MEI1: variants seen among roughly 807,000 people sequenced by gnomAD.
MEI1 encodes the protein meiosis inhibitor protein 1.
MEI1 carries 103 observed loss-of-function variants against 146.2 expected under a neutral mutation model. The observed-to-expected ratio is 0.70, with a 90% CI of 0.60 to 0.83. The LOEUF is 0.83. Ranked by LOEUF, MEI1 falls within the 40% of genes least tolerant of loss-of-function variation. MEI1 has a pLI of 0.00. For missense variants in MEI1, 1,529 were observed against 1,533.0 expected (o/e 1.00, Z 0.04); for synonymous variants, 652 against 628.2 (o/e 1.04, Z -0.57).
rs573240098 is a variant in MEI1, at chr22:41,780,023, A to G, written c.2815+1211A>G. 3.3e-5 allele frequency among the ~76,000 whole-genome samples: 5 copies of G among 152,266 alleles called. No individual in the cohort carries two copies. In the South Asian group the frequency reaches 1.0e-3, roughly 32 times the overall value. ...GCCCAGTCCACCTCATGAGAACATC[A>G]GTGTCAGATTCAAAAAAAGGCCACT... On this transcript the variant is annotated intron_variant, in intron 22 of 30. Coordinates refer to ENST00000401548, the MANE Select transcript of MEI1 (RefSeq NM_152513.4).
Position 41,781,695 on chromosome 22 carries a change from G to A in MEI1, c.2937G>A (p.Val979=), listed in dbSNP as rs746365551. The A allele has an allele frequency of 2.1e-5, 34 of 1,613,248 alleles. No homozygotes were observed. The highest frequency in any genetic ancestry group is 2.8e-5 in the Non-Finnish European group (33 of 1,179,864). Residue 979 remains valine (V), a synonymous_variant, in exon 24 of 31, where the codon GTG becomes GTA. Transcript: ENST00000401548. ...TPSSQKRAAA[V]LLSSTGLMEL... ...GCCCACCCCCGACAGCTGCTGCAGT[G>A]CTCCTGAGCAGCACAGGCCTGATGG...
chr22:41,758,385 C>G lies in MEI1; in HGVS notation c.1972C>G (p.Leu658Val). The change falls in exon 18 of 31, where the codon CTC (leucine) becomes GTC (valine). Residue 658 changes from leucine to valine, a missense_variant. Around this residue, in one of 3 missense-constraint regions of MEI1, gnomAD observed 1,212 missense variants for 1,178.9 expected, o/e 1.03. Transcript: ENST00000401548. ...CCTAGAACTCTCTGCAGTGTCTGAG[C>G]TCCTGCAGCATGGGCTGCCCCAGAT... ...SKEELSAVSE[L>V]LQHGLPQISS... is the part of the protein sequence containing the mutation. 5.6e-6 allele frequency: 9 copies of G among 1,613,522 alleles called. No homozygotes were observed. The South Asian group carries it at 9.9e-5, about 18-fold the overall frequency.
In MEI1 at chr22:41,716,123, C is replaced by A; in HGVS notation, c.506C>A (p.Ala169Glu). 6.2e-7 allele frequency: 1 copy of A among 1,609,670 alleles called. No individual in the cohort carries two copies. The highest frequency in any genetic ancestry group is 2.2e-5 in the East Asian group (1 of 44,768). Reference sequence around the variant, plus strand: ...TTGGTGGATGCCATCCCTGCTCTGGCAGACGAGCTTGTAATGGAGCATGGT... The same window carrying A: ...TTGGTGGATGCCATCCCTGCTCTGGAAGACGAGCTTGTAATGGAGCATGGT... ...GKLVDAIPAL[A>E]DELVMEHGNL... The change falls in exon 5 of 31, where the codon GCA becomes GAA. Residue 169 changes from alanine to glutamate, a missense_variant. Physicochemically the swap from Ala to Glu is moderately radical, Grantham distance 107 (BLOSUM62 -1). Around this residue, in one of 3 missense-constraint regions of MEI1, gnomAD observed 1,212 missense variants for 1,178.9 expected, o/e 1.03. Coordinates refer to ENST00000401548, the MANE Select transcript of MEI1 (RefSeq NM_152513.4).
At chr22:41,728,972 T>C (rs2071606017) in intron 7 of MEI1, among the ~76,000 whole-genome samples, 1 of 151,742 alleles carries the variant, frequency 6.6e-6, no homozygotes, top group South Asian at 2.1e-4. Context: ...GAGACCAGCC[T>C]GGCCAATATG....
chr22:41,751,424 C>T (rs1173400463), intron 15 of MEI1, among the ~76,000 whole-genome samples: 2 of 151,824 alleles, frequency 1.3e-5, no homozygotes, highest in African/African-American at 2.4e-5. Context: ...GACTGAAAGC[C>T]TTACTGGGGA....
chr22:41,745,883 A>C lies in MEI1; in HGVS notation c.1539-2A>C. 1 of 1,604,812 alleles carries C rather than the reference A, an allele frequency of 6.2e-7. No homozygotes were observed. Among genetic ancestry groups the C allele is most frequent in the Non-Finnish European group, 8.5e-7 (1 of 1,173,294 alleles). ...GGATATACTCACACATTGATTTCTT[A>C]GGTTGGCTATAGAATTCCAGAGTGA... is the stretch of plus-strand genomic sequence containing the variant. On this transcript the variant is annotated splice_acceptor_variant, in intron 13 of 30. Transcript: ENST00000401548. LOFTEE classifies it high-confidence loss of function.
intron 20 of MEI1, among the ~76,000 whole-genome samples, chr22:41,772,533 G>A (rs1203221271): frequency 6.6e-6 from 1 of 152,164 alleles, no homozygotes; most frequent in Non-Finnish European, 1.5e-5. Flanking sequence ...TGTTGCCCAA[G>A]CTGGTCTCAA....
intron 1 of MEI1, 51 bp from the exon 2 acceptor site, chr22:41,703,280 G>A (rs1285430446): frequency 7.5e-6 from 12 of 1,592,078 alleles, no homozygotes; most frequent in Non-Finnish European, 9.4e-6. Flanking sequence ...GTTGGATTCA[G>A]AATAGCCAAA....
Position 41,778,582 on chromosome 22 carries a change from C to T in MEI1, c.2711-126C>T, listed in dbSNP as rs1166763851. ...AATAGGAGTAAATCCCAACAAAACA[C>T]CTCACCCCTTAGGAAACAAAAAACT... On this transcript the variant is annotated intron_variant, in intron 21 of 30. Coordinates refer to ENST00000401548, the MANE Select transcript of MEI1 (RefSeq NM_152513.4). 1.1e-5 allele frequency: 7 copies of T among 660,492 alleles called. No homozygotes were observed. The Admixed American group carries it at 1.6e-4, about 15-fold the overall frequency. The allele number at this position is 660,492 out of a possible 1,614,324, so 40.9% of individuals were successfully genotyped here.
rs759710820 is a variant in MEI1 at position 41,752,658 on chromosome 22, G to C, written c.1853+7G>C. The stretch of plus-strand genomic sequence containing the variant: ...GGTTTTGCAGTGGTCTGAGGTATGT[G>C]TGGTCCCAGGCAAGATTGAGTGGCC... On this transcript the variant is annotated splice_region_variant and intron_variant, in intron 16 of 30. Coordinates refer to ENST00000401548, the MANE Select transcript of MEI1 (RefSeq NM_152513.4). 14 of 1,589,290 alleles carry C rather than the reference G, an allele frequency of 8.8e-6. No individual in the cohort carries two copies. Among genetic ancestry groups the C allele is most frequent in the Non-Finnish European group, 1.1e-5 (13 of 1,167,742 alleles).
intron 26 of MEI1, among the ~76,000 whole-genome samples, chr22:41,785,082 G>A (rs940700919): frequency 7.1e-6 from 1 of 141,410 alleles, no homozygotes; most frequent in Non-Finnish European, 1.5e-5. Context: ...GACTACAGGT[G>A]CCTGCCACCA....
chr22:41,700,503 C>CT, intron 1 of MEI1, among the ~76,000 whole-genome samples: 1 of 152,234 alleles, frequency 6.6e-6, no homozygotes, highest in African/African-American at 2.4e-5. Context: ...GCTAATTTCT[C>CT]TATTTTTAGT....
At chr22:41,709,153 G>C in intron 3 of MEI1, 1 of 724,646 alleles carries the variant, frequency 1.4e-6, no homozygotes, top group Non-Finnish European at 2.5e-6. Context: ...TATAAAACTT[G>C]ATAAAAAATA....
chr22:41,733,821 G>A (rs1284276048), intron 11 of MEI1, among the ~76,000 whole-genome samples: 1 of 151,860 alleles, frequency 6.6e-6, no homozygotes, highest in Non-Finnish European at 1.5e-5. Context: ...ATGTAATCTA[G>A]AGATGATTTA....
intron 26 of MEI1, among the ~76,000 whole-genome samples, chr22:41,793,032 CTTTTTTTTTTTTTTTTTTTT>C (rs869223251): frequency 2.1e-5 from 1 of 48,398 alleles, no homozygotes; most frequent in Non-Finnish European, 5.6e-5. Context: ...ACAAAGCATT[CTTTTTTTTTTTTTTTTTTTT>C]TTTTTTTTTT....
At chr22:41,798,116 AACACACACACAC>A (rs60766866) in intron 30 of MEI1, among the ~76,000 whole-genome samples, 4,962 of 135,866 alleles carry the variant, frequency 0.037, 123 homozygotes, top group African/African-American at 0.062. Flanking sequence ...TCCTCAGCCC[AACACACACACAC>A]ACACACACAC....
Position 41,779,590 on chromosome 22 carries a change from C to A in MEI1, c.2815+778C>A, listed in dbSNP as rs1350759418. Among the ~76,000 whole-genome samples, 5 of 152,068 alleles carry A rather than the reference C, an allele frequency of 3.3e-5. No individual in the cohort carries two copies. The South Asian group carries it at 1.0e-3, about 32-fold the overall frequency. ...TCATAGGTAAAGTAGTAGTACTTTC[C>A]TAAACTAGGGTTAAGATACGGAATA... is the stretch of plus-strand genomic sequence containing the variant. On this transcript the variant is annotated intron_variant, in intron 22 of 30. Coordinates refer to ENST00000401548, the MANE Select transcript of MEI1 (RefSeq NM_152513.4).
intron 5 of MEI1, among the ~76,000 whole-genome samples, chr22:41,716,732 C>T (rs1368445253): frequency 7.1e-6 from 1 of 141,056 alleles, no homozygotes; most frequent in Non-Finnish European, 1.5e-5. Flanking sequence ...CTCTGTTGCC[C>T]AGGCTGGAGT....
intron 27 of MEI1, 57 bp from the exon 28 acceptor site, chr22:41,794,314 T>G: frequency 6.9e-7 from 1 of 1,458,622 alleles, no homozygotes; most frequent in African/African-American, 1.4e-5. Context: ...AAGGTCCTCT[T>G]GAGCAATGTC....
Sources: gnomAD v4.1 joint callset for allele counts (sites outside exome capture counted in the v4.1 genomes callset) on GRCh38, gnomAD v4.1.1 for gene constraint, gnomAD v4.1.1 regional missense constraint, MANE v1.5 for transcripts, NCBI Gene and HGNC (gene_info 2026-07-23, HGNC 2026-07-21) for gene names.